Variants in IQCM observed in about 807,000 individuals in gnomAD.
IQCM encodes the protein IQ motif containing M.
A neutral mutation model predicts 57.6 loss-of-function variants in IQCM; 45 were observed. The observed-to-expected ratio is 0.78, with a 90% CI of 0.62 to 1.00. IQCM has a LOEUF of 1.00. Ranked by LOEUF, IQCM falls within the 50% of genes least tolerant of loss-of-function variation. The pLI, the probability that IQCM is intolerant of heterozygous loss-of-function variation, is 0.00. For synonymous variants in IQCM, 148 were observed against 158.9 expected (o/e 0.93, Z 0.51); for missense variants, 468 against 511.6 (o/e 0.91, Z 0.82).
At chr4:149,354,629 T>C (rs944172834) in intron 13 of IQCM, among the ~76,000 whole-genome samples, 3 of 151,968 alleles carry the variant, frequency 2.0e-5, no homozygotes, top group Non-Finnish European at 4.4e-5. Flanking sequence ...ACTTATAATA[T>C]AACATTACTC....
chr4:149,595,050 G>A (rs1289303212), intron 8 of IQCM, among the ~76,000 whole-genome samples: 5 of 152,212 alleles, frequency 3.3e-5, no homozygotes, highest in African/African-American at 7.2e-5. Context: ...AATGTTGACA[G>A]TGGGGTGTTA....
intron 5 of IQCM, among the ~76,000 whole-genome samples, chr4:149,707,872 G>C (rs1237744079): frequency 1.3e-5 from 2 of 151,938 alleles, no homozygotes; most frequent in African/African-American, 4.8e-5. Context: ...TGATTGTTAG[G>C]TGAATGCAAA....
intron 13 of IQCM, among the ~76,000 whole-genome samples, chr4:149,408,856 A>G (rs1039855727): frequency 1.4e-4 from 21 of 152,116 alleles, no homozygotes; most frequent in African/African-American, 4.8e-4. Context: ...GCTGGTACAT[A>G]ATATGAAAGA....
At chr4:149,592,186 T>A (rs1383571936) in intron 8 of IQCM, among the ~76,000 whole-genome samples, 2 of 152,222 alleles carry the variant, frequency 1.3e-5, no homozygotes, top group Non-Finnish European at 2.9e-5. Context: ...GGTTTTGATA[T>A]GCATTTCTCT....
In IQCM at chr4:149,445,521, G is replaced by T. The variant is rs1736413539; in HGVS notation, c.1229-11964C>A. On this transcript the variant is annotated intron_variant, in intron 12 of 13. Coordinates refer to ENST00000636793, the MANE Select transcript of IQCM (RefSeq NM_001363507.2). ...AAATATGATCCTAATAAAAGAACCTGGTAAGATCAAATATACAGCCTCACT... is the reference window on the plus strand; with the variant it reads ...AAATATGATCCTAATAAAAGAACCTTGTAAGATCAAATATACAGCCTCACT... Among the ~76,000 whole-genome samples the T allele has an allele frequency of 3.3e-5, 5 of 151,780 alleles. No individual in the cohort carries two copies. The South Asian group carries it at 1.0e-3, about 32-fold the overall frequency.
In IQCM at chr4:149,671,647, A is replaced by C. The variant is rs571539249; in HGVS notation, c.565+10471T>G. Among the ~76,000 whole-genome samples, 61 of 152,168 alleles carry C rather than the reference A, an allele frequency of 4.0e-4. 2 individuals are homozygous for C. Among genetic ancestry groups the C allele is most frequent in the African/African-American group, 1.4e-3 (58 of 41,522 alleles). On this transcript the variant is annotated intron_variant, in intron 7 of 13. Transcript: ENST00000636793. ...TAAATTTCCCTCTACACACTGCTTT[A>C]AATGTGTCCCAGAGATTCTGGTATG... is the stretch of plus-strand genomic sequence containing the variant.
chr4:149,792,285 T>C (rs550446976), intron 2 of IQCM, among the ~76,000 whole-genome samples: 3 of 152,274 alleles, frequency 2.0e-5, no homozygotes, highest in Non-Finnish European at 2.9e-5. Flanking sequence ...AAATGAAATA[T>C]GCATTTTTAA....
At chr4:149,480,420 C>T (rs1455193161) in intron 12 of IQCM, among the ~76,000 whole-genome samples, 1 of 152,106 alleles carries the variant, frequency 6.6e-6, no homozygotes, top group Non-Finnish European at 1.5e-5. Context: ...TCCCATTACC[C>T]TACCTAGCCT....
At position 149,434,422 on chromosome 4, in the gene IQCM, T is replaced by C. The variant is rs190601620; in HGVS notation, c.1229-865A>G. Among the ~76,000 whole-genome samples, 53 of 152,210 alleles carry C rather than the reference T, an allele frequency of 3.5e-4. No homozygotes were observed. The East Asian group carries it at 5.0e-3, about 14-fold the overall frequency. On this transcript the variant is annotated intron_variant, in intron 12 of 13. Transcript: ENST00000636793. ...TGGTTGATAAGCCAGGGTCCTAAAA[T>C]TCAACAAAGCAGTCTCCTGAGGACT...
intron 8 of IQCM, among the ~76,000 whole-genome samples, chr4:149,603,092 G>A (rs1053166445): frequency 6.6e-6 from 1 of 151,980 alleles, no homozygotes; most frequent in African/African-American, 2.4e-5. Context: ...TCCATAAATA[G>A]GATATTGCTG....
intron 6 of IQCM, among the ~76,000 whole-genome samples, chr4:149,683,639 G>C (rs1762353898): frequency 6.6e-6 from 1 of 151,272 alleles, no homozygotes; most frequent in East Asian, 1.9e-4. Flanking sequence ...ACCAAGAATG[G>C]GGTCAAATTT....
At position 149,723,523 on chromosome 4, in the gene IQCM, T is replaced by C. The variant is rs144379909; in HGVS notation, c.385+9721A>G. Among the ~76,000 whole-genome samples, 27 of 152,254 alleles carry C rather than the reference T, an allele frequency of 1.8e-4. No homozygotes were observed. In the East Asian group the frequency reaches 3.7e-3, roughly 21 times the overall value. ...GGACGCTGCATTTTTTCAAATGCTT[T>C]TTCAGCATCTATTGAGATAATCATA... On this transcript the variant is annotated intron_variant, in intron 5 of 13. Transcript: ENST00000636793.
intron 12 of IQCM, among the ~76,000 whole-genome samples, chr4:149,481,701 G>GTTTTGTTTTTTTTTTTTTTT (rs1740817619): frequency 3.9e-5 from 2 of 51,552 alleles, no homozygotes; most frequent in African/African-American, 1.5e-4. Flanking sequence ...TTCCAGTTTT[G>GTTTTGTTTTTTTTTTTTTTT]TTTTTTTTTT....
intron 8 of IQCM, among the ~76,000 whole-genome samples, chr4:149,592,215 G>A (rs1168495764): frequency 2.6e-5 from 4 of 152,122 alleles, no homozygotes; most frequent in Non-Finnish European, 4.4e-5. Context: ...GTGATGATGA[G>A]CATTTTTTCA....
Position 149,592,823 on chromosome 4 carries a change from T to C in IQCM, c.682-4826A>G, listed in dbSNP as rs1167515607. Among the ~76,000 whole-genome samples, 3 of 152,294 alleles carry C rather than the reference T, an allele frequency of 2.0e-5. No individual in the cohort carries two copies. In the East Asian group the frequency reaches 5.8e-4, roughly 29 times the overall value. ...TCTGTTCCATTGGTCTATATCTCTG[T>C]TTTGGTACCAGTACCATGCTGTTTT... On this transcript the variant is annotated intron_variant, in intron 8 of 13. Coordinates refer to ENST00000636793, the MANE Select transcript of IQCM (RefSeq NM_001363507.2).
chr4:149,463,736 A>G (rs924033945), intron 12 of IQCM, among the ~76,000 whole-genome samples: 4 of 152,192 alleles, frequency 2.6e-5, no homozygotes, highest in African/African-American at 9.6e-5. Context: ...CAAGATGCCT[A>G]TAACATTTTG....
chr4:149,528,362 A>G (rs1225041249), intron 12 of IQCM, among the ~76,000 whole-genome samples: 1 of 152,158 alleles, frequency 6.6e-6, no homozygotes, highest in African/African-American at 2.4e-5. Context: ...TCACAGCTTA[A>G]CATTTTGTCA....
chr4:149,776,566 T>C (rs1318692651), intron 2 of IQCM, among the ~76,000 whole-genome samples: 1 of 152,106 alleles, frequency 6.6e-6, no homozygotes, highest in Non-Finnish European at 1.5e-5. Context: ...TATAAAGATA[T>C]AGGGAGAAAA....
At chr4:149,535,321 G>A (rs1015305445) in intron 12 of IQCM, among the ~76,000 whole-genome samples, 4 of 151,940 alleles carry the variant, frequency 2.6e-5, no homozygotes, top group African/African-American at 4.8e-5. Context: ...AAGAATTTAC[G>A]ATACAGTATT....
Sources: allele counts gnomAD v4.1 joint callset (sites outside exome capture counted in the v4.1 genomes callset), GRCh38; gene constraint gnomAD v4.1.1; transcripts MANE v1.5; gene names NCBI Gene and HGNC (gene_info 2026-07-23, HGNC 2026-07-21).